Variants in ALKBH1 observed in about 807,000 individuals in gnomAD.
ALKBH1 encodes the protein nucleic acid dioxygenase ALKBH1.
A neutral mutation model predicts 36.6 loss-of-function variants in ALKBH1; 31 were observed. The ratio of observed to expected loss-of-function variants is 0.85; its 90% CI spans 0.64 to 1.14. ALKBH1 has a LOEUF of 1.14. Among genes scored for constraint, ALKBH1 ranks in the 50% most tolerant of loss-of-function variants. The pLI, the probability that ALKBH1 is intolerant of heterozygous loss-of-function variation, is 0.00. For missense variants in ALKBH1, 490 were observed against 497.3 expected, an observed-to-expected ratio of 0.99 and a Z score of 0.14; for synonymous variants, 183 against 186.6, an observed-to-expected ratio of 0.98 and a Z score of 0.16.
At chr14:77,687,397 CAAACATGTTT>C (rs2080273665) in intron 3 of ALKBH1, among the ~76,000 whole-genome samples, 1 of 152,190 alleles carries the variant, frequency 6.6e-6, no homozygotes, top group South Asian at 2.1e-4. Context: ...TCTTGGCCTT[CAAACATGTTT>C]AATACTCCTA....
chr14:77,694,546 TATA>T (rs1370745614), intron 3 of ALKBH1, among the ~76,000 whole-genome samples, 189 bp downstream of exon 3: 2 of 152,214 alleles, frequency 1.3e-5, no homozygotes, highest in Non-Finnish European at 2.9e-5. Context: ...CTCAATTTAC[TATA>T]ACTGTCAAAG....
intron 2 of ALKBH1, among the ~76,000 whole-genome samples, chr14:77,702,766 C>T (rs944095730): frequency 7.2e-5 from 11 of 152,032 alleles, no homozygotes; most frequent in African/African-American, 1.9e-4. Flanking sequence ...TGCAGTGGCA[C>T]GATCTCGGCT....
At chr14:77,679,854 CAAA>C in intron 4 of ALKBH1, 23 bp downstream of exon 4, 2 of 1,580,838 alleles carry the variant, frequency 1.3e-6, no homozygotes, top group Non-Finnish European at 1.7e-6. Flanking sequence ...AAACAGAAAA[CAAA>C]AGAATTAAGA....
chr14:77,706,674 G>A (rs2080393385), intron 1 of ALKBH1, among the ~76,000 whole-genome samples: 1 of 152,180 alleles, frequency 6.6e-6, no homozygotes. Flanking sequence ...TAAAAAGCAT[G>A]TACATATTAT....
chr14:77,674,550 G>GTT (rs34972341), intron 5 of ALKBH1, among the ~76,000 whole-genome samples: 73 of 150,386 alleles, frequency 4.9e-4, no homozygotes, highest in African/African-American at 1.7e-3. Flanking sequence ...TTTATTGATG[G>GTT]TTTTTTTTTT....
intron 3 of ALKBH1, among the ~76,000 whole-genome samples, chr14:77,691,216 T>C (rs1053751253): frequency 2.1e-4 from 32 of 152,052 alleles, no homozygotes; most frequent in African/African-American, 7.2e-4. Context: ...GTTCAAGTAT[T>C]TTTTTTTAAA....
At chr14:77,688,202 C>A (rs967184426) in intron 3 of ALKBH1, among the ~76,000 whole-genome samples, 2 of 151,146 alleles carry the variant, frequency 1.3e-5, no homozygotes. Flanking sequence ...TAGACAACAT[C>A]TTTTTGAGGC....
intron 2 of ALKBH1, among the ~76,000 whole-genome samples, chr14:77,696,181 ACTTT>A (rs1021256364): frequency 1.6e-4 from 25 of 152,094 alleles, no homozygotes; most frequent in African/African-American, 6.0e-4. Context: ...TGTGCCAGGC[ACTTT>A]CTTTCTTTCT....
chr14:77,691,038 T>A (rs774361668), intron 3 of ALKBH1, among the ~76,000 whole-genome samples: 6 of 152,180 alleles, frequency 3.9e-5, no homozygotes, highest in Non-Finnish European at 8.8e-5. Context: ...TGACCTCAGA[T>A]GATCTGTCCA....
intron 5 of ALKBH1, among the ~76,000 whole-genome samples, 173 bp from the exon 6 acceptor site, chr14:77,674,414 CTA>C (rs1241508450): frequency 1.3e-5 from 2 of 152,214 alleles, no homozygotes; most frequent in Non-Finnish European, 2.9e-5. Flanking sequence ...TGGTTTGTGT[CTA>C]TGAGTGACCA....
At chr14:77,690,284 G>A (rs2080290136) in intron 3 of ALKBH1, among the ~76,000 whole-genome samples, 2 of 152,254 alleles carry the variant, frequency 1.3e-5, no homozygotes. Flanking sequence ...TAGGAAATGA[G>A]AGTAGAGAGG....
chr14:77,695,698 G>C (rs1052457367), intron 2 of ALKBH1, among the ~76,000 whole-genome samples: 5 of 131,582 alleles, frequency 3.8e-5, no homozygotes, highest in African/African-American at 1.4e-4. Context: ...AATTCCTGCA[G>C]TTAGTGTCTC....
chr14:77,680,377 A>C (rs1311518926), intron 3 of ALKBH1, among the ~76,000 whole-genome samples: 3 of 152,236 alleles, frequency 2.0e-5, no homozygotes, highest in African/African-American at 7.2e-5. Context: ...GGGTACAGTT[A>C]ATCACAATGA....
At chr14:77,677,061 ACTGAGT>A (rs2080210273) in intron 4 of ALKBH1, among the ~76,000 whole-genome samples, 2 of 148,306 alleles carry the variant, frequency 1.3e-5, no homozygotes, top group African/African-American at 5.0e-5. Flanking sequence ...TTTTTTTGAG[ACTGAGT>A]CTCGTTCTGT....
intron 3 of ALKBH1, among the ~76,000 whole-genome samples, chr14:77,693,952 A>T (rs1330123040): frequency 1.3e-5 from 2 of 152,174 alleles, no homozygotes; most frequent in African/African-American, 4.8e-5. Flanking sequence ...GCGCCACTGC[A>T]CTCCAGCCTG....
At chr14:77,676,692 TA>T (rs1264454916) in intron 4 of ALKBH1, among the ~76,000 whole-genome samples, 2 of 152,236 alleles carry the variant, frequency 1.3e-5, no homozygotes, top group Non-Finnish European at 2.9e-5. Flanking sequence ...ATGTTAATAA[TA>T]GGGGGAGAGC....
chr14:77,694,624 G>T, intron 3 of ALKBH1, 114 bp downstream of exon 3: 1 of 828,942 alleles, frequency 1.2e-6, no homozygotes, highest in Non-Finnish European at 1.7e-6. Context: ...AACAATGAAG[G>T]GAAAAAAAAA....
intron 3 of ALKBH1, chr14:77,683,539 G>A: frequency 1.6e-6 from 1 of 613,516 alleles, no homozygotes; most frequent in Non-Finnish European, 3.0e-6. Flanking sequence ...TTTTTGAACA[G>A]TACCCATTCC....
At chr14:77,686,630 T>C (rs1481513505) in intron 3 of ALKBH1, among the ~76,000 whole-genome samples, 1 of 152,138 alleles carries the variant, frequency 6.6e-6, no homozygotes, top group African/African-American at 2.4e-5. Flanking sequence ...TAGCAATTGT[T>C]TTTTTCTTTT....
Sources: gnomAD v4.1 joint callset for allele counts (sites outside exome capture counted in the v4.1 genomes callset) on GRCh38, gnomAD v4.1.1 for gene constraint, MANE v1.5 for transcripts, NCBI Gene and HGNC (gene_info 2026-07-23, HGNC 2026-07-21) for gene names.